ZNF362: variants seen among roughly 807,000 people sequenced by gnomAD.
ZNF362 encodes the protein zinc finger protein 362.
A neutral mutation model predicts 42.9 loss-of-function variants in ZNF362; 11 were observed. The observed-to-expected ratio is 0.26, with a 90% confidence interval of 0.16 to 0.42. The LOEUF is 0.42. Among genes scored for constraint, ZNF362 ranks in the 20% least tolerant of loss-of-function variants. The pLI is 1.00. For missense variants in ZNF362, 362 were observed against 576.2 expected, an observed-to-expected ratio of 0.63 and a Z score of 3.81; for synonymous variants, 255 against 257.3, an observed-to-expected ratio of 0.99 and a Z score of 0.09.
intron 6 of ZNF362, among the ~76,000 whole-genome samples, chr1:33,293,442 G>C (rs1646094276): frequency 6.6e-6 from 1 of 152,210 alleles, no homozygotes; most frequent in Non-Finnish European, 1.5e-5. Flanking sequence ...ATTGGTAGCA[G>C]GGAGTGTTTC....
At chr1:33,134,397 A>G in the ZNF362 span, among the ~76,000 whole-genome samples, 1 of 152,348 alleles carries the variant, frequency 6.6e-6, no homozygotes. Flanking sequence ...TTCCCATGTT[A>G]GCTAAGGCGC....
At chr1:33,220,306 C>T in the ZNF362 span, among the ~76,000 whole-genome samples, 1 of 152,166 alleles carries the variant, frequency 6.6e-6, no homozygotes, top group Non-Finnish European at 1.5e-5. Context: ...ATAGCAATAA[C>T]AGCTGTTTGT....
the ZNF362 span, among the ~76,000 whole-genome samples, chr1:33,250,459 C>T: frequency 1.0e-3 from 152 of 152,322 alleles, 1 homozygote; most frequent in Admixed American, 3.1e-3. Flanking sequence ...AGCTGGAAGC[C>T]GTTATCCTCA....
the ZNF362 span, among the ~76,000 whole-genome samples, chr1:33,160,768 A>C: frequency 6.6e-6 from 1 of 152,226 alleles, no homozygotes; most frequent in African/African-American, 2.4e-5. Flanking sequence ...AAAGATGACA[A>C]GATCACAGAC....
chr1:33,257,129 C>T (rs1645798539), intron 1 of ZNF362, among the ~76,000 whole-genome samples: 1 of 152,014 alleles, frequency 6.6e-6, no homozygotes, highest in Admixed American at 6.5e-5. Flanking sequence ...CGTCCCTGTC[C>T]TGTTTTAAAA....
the ZNF362 span, among the ~76,000 whole-genome samples, chr1:33,206,591 C>T: frequency 6.6e-6 from 1 of 151,992 alleles, no homozygotes; most frequent in South Asian, 2.1e-4. Flanking sequence ...GCCTGGCCAA[C>T]ACAGTGAGAC....
the ZNF362 span, among the ~76,000 whole-genome samples, chr1:33,132,484 C>G: frequency 6.6e-6 from 1 of 152,210 alleles, no homozygotes; most frequent in East Asian, 1.9e-4. Context: ...TCTGTTCCCT[C>G]TGCCTGGACT....
At chr1:33,180,530 T>G in the ZNF362 span, among the ~76,000 whole-genome samples, 1 of 152,270 alleles carries the variant, frequency 6.6e-6, no homozygotes, top group South Asian at 2.1e-4. Context: ...TTAGTCCTGA[T>G]GCACATCTGA....
chr1:33,187,362 A>G, the ZNF362 span, among the ~76,000 whole-genome samples: 1 of 152,338 alleles, frequency 6.6e-6, no homozygotes, highest in South Asian at 2.1e-4. Context: ...TCACCCTTGC[A>G]CCTGCTCAGA....
At chr1:33,257,429 T>TC (rs1431854451) in intron 1 of ZNF362, among the ~76,000 whole-genome samples, 6 of 149,216 alleles carry the variant, frequency 4.0e-5, no homozygotes, top group Admixed American at 6.6e-5. Flanking sequence ...TTTCTTTCTT[T>TC]TTTTTTTTTT....
the ZNF362 span, among the ~76,000 whole-genome samples, chr1:33,213,498 A>G: frequency 6.6e-6 from 1 of 152,256 alleles, no homozygotes; most frequent in African/African-American, 2.4e-5. Context: ...GTGAATTTAA[A>G]TAAGTATTGA....
chr1:33,255,396 G>T (rs1645780046), upstream of ZNF362, among the ~76,000 whole-genome samples: 1 of 152,210 alleles, frequency 6.6e-6, no homozygotes, highest in East Asian at 1.9e-4. Context: ...CTCCCTGAGG[G>T]CAGGGCCAGC....
At chr1:33,244,725 G>A in the ZNF362 span, among the ~76,000 whole-genome samples, 3 of 152,174 alleles carry the variant, frequency 2.0e-5, no homozygotes, top group African/African-American at 7.2e-5. This position sits in a 1 kb window ranked among gnomAD's most constrained non-coding sequence, Gnocchi z 4.0. Context: ...CAACAACTTC[G>A]TAAAATGGAG....
At chr1:33,208,051 G>A in the ZNF362 span, among the ~76,000 whole-genome samples, 6 of 152,292 alleles carry the variant, frequency 3.9e-5, no homozygotes, top group East Asian at 1.2e-3. Flanking sequence ...TATTGCCTAG[G>A]TTTTCTTCTA....
At chr1:33,185,492 G>A in the ZNF362 span, among the ~76,000 whole-genome samples, 1 of 152,180 alleles carries the variant, frequency 6.6e-6, no homozygotes, top group African/African-American at 2.4e-5. Context: ...AGAGTGCTGG[G>A]ATTATAGGTG....
chr1:33,147,426 A>G, the ZNF362 span: 7 of 1,614,088 alleles, frequency 4.3e-6, no homozygotes, highest in Admixed American at 1.2e-4. The surrounding 1 kb of genome is among the most constrained non-coding windows in gnomAD (Gnocchi z 8.1). Flanking sequence ...ACTGGTTGCC[A>G]TCGTGCATCA....
the ZNF362 span, among the ~76,000 whole-genome samples, chr1:33,192,932 G>C: frequency 6.7e-6 from 1 of 149,970 alleles, no homozygotes. Flanking sequence ...GTATGACCAA[G>C]AACATAAATT....
At chr1:33,195,667 G>A in the ZNF362 span, 1 of 151,786 alleles carries the variant, frequency 6.6e-6, no homozygotes, top group Non-Finnish European at 1.5e-5. Flanking sequence ...TAAAAATATG[G>A]CATAAAAGAT....
the ZNF362 span, among the ~76,000 whole-genome samples, chr1:33,169,783 A>G: frequency 0.23 from 35,383 of 152,212 alleles, 4,252 homozygotes; most frequent in South Asian, 0.3. Context: ...CTTGCCAGCC[A>G]CCTGGGCTGC....
Sources: gnomAD v4.1 joint callset for allele counts (sites outside exome capture counted in the v4.1 genomes callset) on GRCh38, gnomAD v4.1.1 for gene constraint, Gnocchi (gnomAD v3.1) non-coding constraint, MANE v1.5 for transcripts, NCBI Gene and HGNC (gene_info 2026-07-23, HGNC 2026-07-21) for gene names.